PCBP3: variants seen among roughly 807,000 people sequenced by gnomAD.
The protein encoded by PCBP3 is poly(rC)-binding protein 3.
PCBP3 carries 25 observed loss-of-function variants against 52.7 expected under a neutral mutation model. The ratio of observed to expected loss-of-function variants is 0.47; its 90% CI spans 0.35 to 0.66. PCBP3 has a LOEUF of 0.66. Among genes scored for constraint, PCBP3 ranks in the 30% least tolerant of loss-of-function variants. The pLI is 0.01. For synonymous variants in PCBP3, 162 were observed against 183.0 expected (o/e 0.89, Z 0.93); for missense variants, 391 against 490.3 (o/e 0.80, Z 1.91).
intron 5 of PCBP3, among the ~76,000 whole-genome samples, chr21:45,893,621 G>A (rs2095744225): frequency 2.0e-5 from 1 of 51,120 alleles, no homozygotes; most frequent in Non-Finnish European, 3.6e-5. Context: ...GGGTGGGGAT[G>A]AGGTGGGTGG....
chr21:45,891,887 G>A (rs1039354028), intron 5 of PCBP3, among the ~76,000 whole-genome samples: 4 of 152,178 alleles, frequency 2.6e-5, no homozygotes, highest in African/African-American at 9.7e-5. Context: ...CAGCCTCCTG[G>A]GCTGTCTCAA....
At chr21:45,900,533 G>A (rs549104443) in intron 7 of PCBP3, 58 bp from the exon 8 acceptor site, 60 of 1,409,846 alleles carry the variant, frequency 4.3e-5, no homozygotes, top group African/African-American at 2.0e-4. Flanking sequence ...ACCATGGGCC[G>A]CGCCGTCCTC....
intron 2 of PCBP3, among the ~76,000 whole-genome samples, chr21:45,685,896 A>AAAACG (rs2082123283): frequency 6.6e-6 from 1 of 151,778 alleles, no homozygotes; most frequent in Non-Finnish European, 1.5e-5. Flanking sequence ...AAAACAAAAC[A>AAAACG]AAAAGCCTGT....
In PCBP3 at chr21:45,837,017, T is replaced by C. The variant is rs1418504255; in HGVS notation, c.-125-12944T>C. Among the ~76,000 whole-genome samples, 1 of 152,178 alleles carries C rather than the reference T, an allele frequency of 6.6e-6. No homozygotes were observed. The highest frequency in any genetic ancestry group is 1.5e-5 in the Non-Finnish European group (1 of 68,040). On this transcript the variant is annotated intron_variant, in intron 4 of 17. Transcript: ENST00000681687. The surrounding 1 kb of genome is among the most constrained non-coding windows in gnomAD (Gnocchi z 4.1). ...GGACATTCCTGTGTGTTTCTTTTGG[T>C]GCACACATGAGGTGTTTTTGGTTTA...
At chr21:45,927,426 C>T (rs1467791365) in intron 13 of PCBP3, among the ~76,000 whole-genome samples, 1 of 123,736 alleles carries the variant, frequency 8.1e-6, no homozygotes, top group African/African-American at 3.6e-5. Context: ...GAACCAAAAG[C>T]CTCATTTTTT....
chr21:45,830,378 C>A lies in PCBP3; in HGVS notation c.-125-19583C>A, dbSNP rs1365388015. 2 of 152,988 alleles carry A rather than the reference C, an allele frequency of 1.3e-5. No homozygotes were observed. Among genetic ancestry groups the A allele is most frequent in the Admixed American group, 1.3e-4 (2 of 15,290 alleles). The allele number at this position is 152,988 out of a possible 1,614,324, so 9.5% of individuals were successfully genotyped here. On this transcript the variant is annotated intron_variant, in intron 4 of 17. Coordinates refer to ENST00000681687, the MANE Select transcript of PCBP3 (RefSeq NM_001384156.1). The surrounding 1 kb of genome is among the most constrained non-coding windows in gnomAD (Gnocchi z 4.4). ...CCCCTCCATGGGAGGATCGTGAACA[C>A]ATAGCCTTTCAGAGGCCTCTATAAT...
rs576413980 is a variant in PCBP3, at chr21:45,822,103, A to G, written c.-125-27858A>G. Among the ~76,000 whole-genome samples the G allele has an allele frequency of 2.4e-3, 360 of 152,244 alleles. 2 individuals carry two copies. Among genetic ancestry groups the G allele is most frequent in the African/African-American group, 8.3e-3 (344 of 41,550 alleles). Reference sequence around the variant, plus strand: ...GTTTCACAATGTCCCTCAACGTGTGACTATCACCCATAGCCTCCGGTATCT... The same window carrying G: ...GTTTCACAATGTCCCTCAACGTGTGGCTATCACCCATAGCCTCCGGTATCT... On this transcript the variant is annotated intron_variant, in intron 4 of 17. Transcript: ENST00000681687.
chr21:45,914,052 C>T (rs2096457179), intron 12 of PCBP3, 27 bp downstream of exon 12: 1 of 1,613,030 alleles, frequency 6.2e-7, no homozygotes, highest in Admixed American at 1.7e-5. Context: ...TCGCGGCCTC[C>T]ACTGCCAACC....
chr21:45,881,601 A>G (rs1265167198), intron 5 of PCBP3, among the ~76,000 whole-genome samples: 1 of 152,212 alleles, frequency 6.6e-6, no homozygotes, highest in African/African-American at 2.4e-5. Flanking sequence ...AATCACTCTC[A>G]GCAATTTTCA....
chr21:45,735,121 G>C lies in PCBP3; in HGVS notation c.-199-271G>C, dbSNP rs919310559. Among the ~76,000 whole-genome samples, 1 of 152,176 alleles carries C rather than the reference G, an allele frequency of 6.6e-6. No individual in the cohort carries two copies. Among genetic ancestry groups the C allele is most frequent in the Non-Finnish European group, 1.5e-5 (1 of 68,038 alleles). On this transcript the variant is annotated intron_variant, in intron 2 of 17. Coordinates refer to ENST00000681687, the MANE Select transcript of PCBP3 (RefSeq NM_001384156.1). The surrounding 1 kb of genome is among the most constrained non-coding windows in gnomAD (Gnocchi z 4.0). ...GACGTCAGTCAGGCCGAGGACTGTG[G>C]GTCAAGGTTCAGGGACCCTGGGGTT...
chr21:45,842,679 C>T (rs930654634), intron 4 of PCBP3, among the ~76,000 whole-genome samples: 7 of 152,272 alleles, frequency 4.6e-5, no homozygotes, highest in African/African-American at 1.7e-4. Context: ...TCTTCTGTTT[C>T]GGCCTCTGTT....
At position 45,917,659 on chromosome 21, in the gene PCBP3, T is replaced by C. The variant is rs752794251; in HGVS notation, c.717+30T>C. ...GTCTTCACTTTGTCTTCCTCTCACC[T>C]TTCTCTTCTCATGGTTGTTTACCTA... is the stretch of plus-strand genomic sequence containing the variant. On this transcript the variant is annotated intron_variant, in intron 13 of 17. Coordinates refer to ENST00000681687, the MANE Select transcript of PCBP3 (RefSeq NM_001384156.1). The surrounding 1 kb of genome is among the most constrained non-coding windows in gnomAD (Gnocchi z 5.3). The C allele has an allele frequency of 6.4e-7, 1 of 1,573,330 alleles. No individual in the cohort carries two copies. The highest frequency in any genetic ancestry group is 8.7e-7 in the Non-Finnish European group (1 of 1,142,978).
At position 45,829,671 on chromosome 21, in the gene PCBP3, C is replaced by G. The variant is rs1252221421; in HGVS notation, c.-125-20290C>G. On this transcript the variant is annotated intron_variant, in intron 4 of 17. Transcript: ENST00000681687. This position sits in a 1 kb window ranked among gnomAD's most constrained non-coding sequence, Gnocchi z 5.2. Reference sequence around the variant, plus strand: ...ACCTGAAGAGCAAAGTTCTGAAGGACAAGTGGCTGTTAATGCCGTGCAGCT... The same window carrying G: ...ACCTGAAGAGCAAAGTTCTGAAGGAGAAGTGGCTGTTAATGCCGTGCAGCT... 1 of 152,296 alleles carries G rather than the reference C, an allele frequency of 6.6e-6. No individual in the cohort carries two copies. The highest frequency in any genetic ancestry group is 1.5e-5 in the Non-Finnish European group (1 of 68,096). 9.4% of individuals were successfully genotyped at this position (152,296 alleles called of 1,614,324 possible).
intron 4 of PCBP3, among the ~76,000 whole-genome samples, chr21:45,822,098 G>A (rs1384499424): frequency 2.6e-5 from 4 of 152,164 alleles, no homozygotes; most frequent in South Asian, 2.1e-4. Flanking sequence ...GTCCCTCAAC[G>A]TGTGACTATC....
At chr21:45,898,156 C>T (rs184239777) in intron 6 of PCBP3, among the ~76,000 whole-genome samples, 257 of 152,338 alleles carry the variant, frequency 1.7e-3, no homozygotes, top group African/African-American at 5.9e-3. Context: ...AAATGGGGCT[C>T]TCTGTGAGGC....
At chr21:45,835,110 G>A (rs1048704096) in intron 4 of PCBP3, among the ~76,000 whole-genome samples, 2 of 152,242 alleles carry the variant, frequency 1.3e-5, no homozygotes, top group Admixed American at 6.5e-5. Context: ...TCATTTATGA[G>A]GATGTAGGAA....
At chr21:45,923,979 C>A (rs1382961854) in intron 13 of PCBP3, among the ~76,000 whole-genome samples, 1 of 86,494 alleles carries the variant, frequency 1.2e-5, no homozygotes, top group Non-Finnish European at 2.3e-5. Context: ...CGGGAACAGT[C>A]GAGTGGATAG....
At position 45,929,526 on chromosome 21, in the gene PCBP3, C is replaced by T. The variant is rs573893770; in HGVS notation, c.718-391C>T. Among the ~76,000 whole-genome samples, 6 of 152,334 alleles carry T rather than the reference C, an allele frequency of 3.9e-5. No individual in the cohort carries two copies. The East Asian group carries it at 9.6e-4, about 24-fold the overall frequency. On this transcript the variant is annotated intron_variant, in intron 13 of 17. Coordinates refer to ENST00000681687, the MANE Select transcript of PCBP3 (RefSeq NM_001384156.1). ...AGGCTGATTTTAGTGACTAGTGACT[C>T]GGCCTTGAATCTCCTAGAAGTGCAG...
chr21:45,856,672 A>T (rs2094310746), intron 5 of PCBP3, among the ~76,000 whole-genome samples: 1 of 152,174 alleles, frequency 6.6e-6, no homozygotes, highest in Non-Finnish European at 1.5e-5. Context: ...ATGTCAAAGA[A>T]AAAAGTCCAA....
Sources: allele counts gnomAD v4.1 joint callset (sites outside exome capture counted in the v4.1 genomes callset), GRCh38; gene constraint gnomAD v4.1.1; non-coding constraint Gnocchi (gnomAD v3.1); transcripts MANE v1.5; gene names NCBI Gene and HGNC (gene_info 2026-07-23, HGNC 2026-07-21).